The following FGF14 variants were observed in gnomAD, a reference collection of about 807,000 sequenced individuals.
FGF14 encodes the protein fibroblast growth factor homologous factor 4.
FGF14 carries 5 observed loss-of-function variants against 25.5 expected under a neutral mutation model. The ratio of observed to expected loss-of-function variants is 0.20; its 90% confidence interval spans 0.10 to 0.41. FGF14 has a LOEUF of 0.41. Among genes scored for constraint, FGF14 ranks in the 10% least tolerant of loss-of-function variants. The pLI, the probability that FGF14 is intolerant of heterozygous loss-of-function variation, is 1.00. For synonymous variants in FGF14, 138 were observed against 118.3 expected (o/e 1.17, Z -1.08); for missense variants, 222 against 320.1 (o/e 0.69, Z 2.34).
chr13:101,837,808 T>C (rs2043000405), intron 3 of FGF14, among the ~76,000 whole-genome samples: 1 of 152,096 alleles, frequency 6.6e-6, no homozygotes. Flanking sequence ...TGCAAAGTAG[T>C]GCTCCTGGGT....
At chr13:102,071,850 CT>C (rs1254584148) in intron 1 of FGF14, among the ~76,000 whole-genome samples, 1 of 152,104 alleles carries the variant, frequency 6.6e-6, no homozygotes, top group African/African-American at 2.4e-5. Flanking sequence ...AATTTTAGTC[CT>C]GAAAAATTGT....
intron 1 of FGF14, among the ~76,000 whole-genome samples, chr13:102,087,424 T>TC (rs2043963753): frequency 7.0e-6 from 1 of 142,506 alleles, no homozygotes; most frequent in African/African-American, 2.6e-5. Context: ...TTTTTTTTTT[T>TC]TTTTTGAGAC....
chr13:101,752,718 T>A (rs916894162), intron 3 of FGF14, among the ~76,000 whole-genome samples: 1 of 152,164 alleles, frequency 6.6e-6, no homozygotes, highest in African/African-American at 2.4e-5. Context: ...GTTCTCTCTA[T>A]TTTTTCCCTT....
chr13:102,083,287 A>G (rs982357927), intron 1 of FGF14, among the ~76,000 whole-genome samples: 2 of 152,156 alleles, frequency 1.3e-5, no homozygotes, highest in Non-Finnish European at 2.9e-5. Context: ...GTTTTCCTTC[A>G]GCCTATTGTC....
chr13:101,743,547 C>T (rs541661353), intron 3 of FGF14, among the ~76,000 whole-genome samples: 9 of 152,222 alleles, frequency 5.9e-5, no homozygotes, highest in African/African-American at 2.2e-4. Context: ...GAGGGTGAAT[C>T]CCTCTTCTTT....
intron 1 of FGF14, among the ~76,000 whole-genome samples, chr13:102,254,874 C>T (rs1198101013): frequency 6.6e-6 from 1 of 152,174 alleles, no homozygotes; most frequent in Non-Finnish European, 1.5e-5. Flanking sequence ...AGATTGCAGG[C>T]TATGGACTCT....
intron 1 of FGF14, among the ~76,000 whole-genome samples, chr13:102,364,510 G>A (rs1172307265): frequency 6.6e-6 from 1 of 152,146 alleles, no homozygotes; most frequent in Non-Finnish European, 1.5e-5. Context: ...ACTATTTCAT[G>A]CTTAAGAGTA....
At chr13:102,014,649 T>C (rs1039388806) in intron 1 of FGF14, among the ~76,000 whole-genome samples, 3 of 152,212 alleles carry the variant, frequency 2.0e-5, no homozygotes, top group African/African-American at 7.2e-5. Context: ...AGACATATAA[T>C]GGCTTTTGAT....
intron 1 of FGF14, among the ~76,000 whole-genome samples, chr13:101,883,259 G>T (rs941147870): frequency 1.3e-5 from 2 of 151,970 alleles, no homozygotes; most frequent in Non-Finnish European, 2.9e-5. Context: ...ATTTATTAAG[G>T]CTTAAAATTT....
chr13:101,896,376 C>T (rs114450908), intron 1 of FGF14, among the ~76,000 whole-genome samples: 4 of 152,192 alleles, frequency 2.6e-5, no homozygotes, highest in East Asian at 3.9e-4. Flanking sequence ...CTATGCCCCC[C>T]ACTCTGTACA....
chr13:102,211,820 G>A (rs1029625495), intron 1 of FGF14, among the ~76,000 whole-genome samples: 9 of 152,142 alleles, frequency 5.9e-5, no homozygotes, highest in African/African-American at 2.2e-4. Context: ...AGAGGAGCTG[G>A]GCAAGCACTC....
At chr13:101,957,509 T>C (rs1480242755) in intron 1 of FGF14, among the ~76,000 whole-genome samples, 5 of 152,178 alleles carry the variant, frequency 3.3e-5, no homozygotes, top group African/African-American at 7.2e-5. Flanking sequence ...ACCAACAGCA[T>C]TGCCATTGGT....
chr13:101,937,962 C>T (rs2035212564), intron 1 of FGF14, among the ~76,000 whole-genome samples: 1 of 152,128 alleles, frequency 6.6e-6, no homozygotes, highest in Non-Finnish European at 1.5e-5. Context: ...AAAACTAATA[C>T]ATTATTTGAA....
At chr13:101,884,574 A>G (rs1282229867) in intron 1 of FGF14, among the ~76,000 whole-genome samples, 4 of 152,100 alleles carry the variant, frequency 2.6e-5, no homozygotes, top group Non-Finnish European at 5.9e-5. Context: ...TACATCATTA[A>G]TATATGAATA....
chr13:102,332,360 C>T (rs970457806), intron 1 of FGF14, among the ~76,000 whole-genome samples: 5 of 152,030 alleles, frequency 3.3e-5, no homozygotes, highest in African/African-American at 1.2e-4. Flanking sequence ...GTAAAACACT[C>T]ATTATTCTGA....
chr13:102,354,369 C>G, intron 1 of FGF14: 1 of 152,328 alleles, frequency 6.6e-6, no homozygotes, highest in South Asian at 2.1e-4. Context: ...CCTCTACCCC[C>G]TCTCTCACAT....
chr13:101,945,273 G>A (rs899270707), intron 1 of FGF14, among the ~76,000 whole-genome samples: 4 of 152,116 alleles, frequency 2.6e-5, no homozygotes, highest in Non-Finnish European at 2.9e-5. Flanking sequence ...AGCCAAGATC[G>A]TGCCATTGCA....
intron 1 of FGF14, among the ~76,000 whole-genome samples, chr13:102,374,644 TTATATATATATATATATATATA>T (rs55670716): frequency 0.015 from 729 of 49,348 alleles, 25 homozygotes; most frequent in African/African-American, 0.044. Flanking sequence ...CTTACATATT[TTATATATATATATATATATATA>T]TATATATATA....
At chr13:102,329,360 C>G (rs890509012) in intron 1 of FGF14, among the ~76,000 whole-genome samples, 2 of 152,086 alleles carry the variant, frequency 1.3e-5, no homozygotes, top group African/African-American at 4.8e-5. Context: ...TGTCAAAAGC[C>G]TCCTTGTTCT....
Sources: gnomAD v4.1 joint callset for allele counts (sites outside exome capture counted in the v4.1 genomes callset) on GRCh38, gnomAD v4.1.1 for gene constraint, MANE v1.5 for transcripts, NCBI Gene and HGNC (gene_info 2026-07-23, HGNC 2026-07-21) for gene names.